FRMPD2: variants seen among roughly 807,000 people sequenced by gnomAD.
FRMPD2 encodes FERM and PDZ domain containing 2.
A neutral mutation model predicts 140.1 loss-of-function variants in FRMPD2; 96 were observed. The observed-to-expected ratio is 0.69, with a 90% CI of 0.58 to 0.81. FRMPD2 has a LOEUF of 0.81. FRMPD2 is among the 40% of genes least tolerant of loss of function. The pLI is 0.00. For synonymous variants in FRMPD2, 449 were observed against 547.6 expected (o/e 0.82, Z 2.52); for missense variants, 1,240 against 1,447.4 (o/e 0.86, Z 2.32).
At chr10:48,171,277 A>T in intron 25 of FRMPD2, 69 bp from the exon 26 acceptor site, 1 of 679,890 alleles carries the variant, frequency 1.5e-6, no homozygotes, top group South Asian at 1.5e-5. Flanking sequence ...CAGTCTCAAA[A>T]TGCAAATTGT....
chr10:48,182,369 T>A (rs1173153949), intron 20 of FRMPD2, among the ~76,000 whole-genome samples: 1 of 152,226 alleles, frequency 6.6e-6, no homozygotes, highest in African/African-American at 2.4e-5. Flanking sequence ...GTGTCCTGCC[T>A]AGTAGACATA....
Position 48,230,932 on chromosome 10 carries a change from G to A in FRMPD2, c.1168+1183C>T, listed in dbSNP as rs185475965. Among the ~76,000 whole-genome samples, 13 of 152,290 alleles carry A rather than the reference G, an allele frequency of 8.5e-5. No homozygotes were observed. In the South Asian group the frequency reaches 2.1e-3, roughly 24 times the overall value. On this transcript the variant is annotated intron_variant, in intron 10 of 28. Transcript: ENST00000374201. ...ATGCCCAACGCTGGTCTAGTGCTTC[G>A]AAATGACAACCAACACCTATGAAAC...
At chr10:48,212,801 A>C (rs531070078) in intron 12 of FRMPD2, among the ~76,000 whole-genome samples, 2 of 152,214 alleles carry the variant, frequency 1.3e-5, no homozygotes, top group East Asian at 3.9e-4. Flanking sequence ...AGGTGGAATC[A>C]CTCACTGCTT....
chr10:48,184,597 G>T lies in FRMPD2; in HGVS notation c.2553C>A (p.Asp851Glu), dbSNP rs1300873738. 1.9e-6 allele frequency: 3 copies of T among 1,611,892 alleles called. No homozygotes were observed. Among genetic ancestry groups the T allele is most frequent in the Non-Finnish European group, 2.5e-6 (3 of 1,177,946 alleles). ...ACTGAGAAATAATTAATTCTATGTT[G>T]TCAGGGGAATTCTGGATCATCCTAA... ...MAVRMIQNSPDNIELIISQSK... is the reference protein window; with the variant it reads ...MAVRMIQNSPENIELIISQSK... The change falls in exon 20 of 29, where the codon GAC (aspartate) becomes GAA (glutamate). Residue 851 changes from aspartate to glutamate, a missense_variant. Coordinates refer to ENST00000374201, the MANE Select transcript of FRMPD2 (RefSeq NM_001018071.4).
chr10:48,249,262 G>T, intron 2 of FRMPD2, 84 bp from the exon 3 acceptor site: 1 of 1,351,788 alleles, frequency 7.4e-7, no homozygotes, highest in Non-Finnish European at 1.0e-6. Flanking sequence ...CAGGTGCCTG[G>T]CAGTACCCAT....
chr10:48,206,964 A>G (rs1399517472), intron 13 of FRMPD2, 31 bp from the exon 14 acceptor site: 2 of 1,605,778 alleles, frequency 1.2e-6, no homozygotes, highest in Non-Finnish European at 1.7e-6. Context: ...TTTAGAAGAG[A>G]CAGGCACATG....
intron 10 of FRMPD2, among the ~76,000 whole-genome samples, chr10:48,230,047 G>A (rs146496775): frequency 4.9e-4 from 74 of 152,082 alleles, no homozygotes; most frequent in African/African-American, 1.5e-3. Context: ...CTGAACGAAC[G>A]GATGAAAAAG....
At chr10:48,251,487 C>T in intron 2 of FRMPD2, 79 bp downstream of exon 2, 1 of 1,555,390 alleles carries the variant, frequency 6.4e-7, no homozygotes. Context: ...AAAAAAGCAG[C>T]AGCAGCCAGA....
intron 14 of FRMPD2, among the ~76,000 whole-genome samples, chr10:48,202,962 A>G (rs573011526): frequency 2.8e-4 from 43 of 152,018 alleles, no homozygotes; most frequent in African/African-American, 1.0e-3. Context: ...CACCATACCC[A>G]GCTAATTTTT....
At chr10:48,264,772 A>G (rs762175956) in intron 1 of FRMPD2, among the ~76,000 whole-genome samples, 8 of 152,182 alleles carry the variant, frequency 5.3e-5, no homozygotes, top group Non-Finnish European at 1.2e-4. Context: ...TATTTTGTGA[A>G]TATCAACAAC....
At chr10:48,194,553 A>G (rs1308626373) in intron 15 of FRMPD2, among the ~76,000 whole-genome samples, 1 of 152,220 alleles carries the variant, frequency 6.6e-6, no homozygotes, top group Non-Finnish European at 1.5e-5. Context: ...GTTTGAAGCA[A>G]GACTGTACAG....
At chr10:48,196,489 G>C (rs1379236504) in intron 15 of FRMPD2, among the ~76,000 whole-genome samples, 2 of 152,216 alleles carry the variant, frequency 1.3e-5, no homozygotes, top group Non-Finnish European at 2.9e-5. Context: ...ATCTCTCTCT[G>C]TCTGTTTTTG....
At chr10:48,190,095 C>T (rs564352691) in intron 16 of FRMPD2, among the ~76,000 whole-genome samples, 8 of 152,162 alleles carry the variant, frequency 5.3e-5, no homozygotes, top group South Asian at 2.1e-4. Context: ...AAGGGGCCCC[C>T]GGCAGAATGG....
chr10:48,246,745 AG>A (rs1418454103), intron 3 of FRMPD2, among the ~76,000 whole-genome samples: 1 of 152,248 alleles, frequency 6.6e-6, no homozygotes, highest in Non-Finnish European at 1.5e-5. Context: ...CAGCCTGTCC[AG>A]GGACCATTCT....
At chr10:48,213,108 G>A (rs566897201) in intron 12 of FRMPD2, among the ~76,000 whole-genome samples, 2 of 152,140 alleles carry the variant, frequency 1.3e-5, no homozygotes, top group Non-Finnish European at 2.9e-5. Flanking sequence ...TGGCCTGAGT[G>A]GGGTATCTGA....
chr10:48,241,202 G>A (rs1269579160), intron 5 of FRMPD2, among the ~76,000 whole-genome samples: 1 of 152,154 alleles, frequency 6.6e-6, no homozygotes, highest in Non-Finnish European at 1.5e-5. Context: ...TGATGGCAGA[G>A]GCCTTCTCTG....
intron 10 of FRMPD2, 52 bp downstream of exon 10, chr10:48,232,063 C>G (rs772503102): frequency 1.9e-6 from 3 of 1,556,710 alleles, no homozygotes; most frequent in Non-Finnish European, 2.7e-6. Context: ...ACCCAGATAC[C>G]TGGGTTACCA....
At chr10:48,202,898 T>G (rs1839121650) in intron 14 of FRMPD2, among the ~76,000 whole-genome samples, 1 of 152,122 alleles carries the variant, frequency 6.6e-6, no homozygotes, top group Non-Finnish European at 1.5e-5. Flanking sequence ...AGTGCTGGGT[T>G]CAAGCAATCC....
chr10:48,161,966 T>A (rs1173310658), intron 28 of FRMPD2, among the ~76,000 whole-genome samples: 1 of 149,956 alleles, frequency 6.7e-6, no homozygotes, highest in Non-Finnish European at 1.5e-5. Flanking sequence ...GCTCTCAGGG[T>A]CCCTGTTCAT....
Sources: allele counts gnomAD v4.1 joint callset (sites outside exome capture counted in the v4.1 genomes callset), GRCh38; gene constraint gnomAD v4.1.1; transcripts MANE v1.5; gene names NCBI Gene and HGNC (gene_info 2026-07-23, HGNC 2026-07-21).